Variants in COL26A1 observed in about 807,000 individuals in gnomAD.
COL26A1 encodes collagen type XXVI alpha 1 chain.
Under a neutral mutation model 59.3 loss-of-function variants are expected in COL26A1, and 41 were observed. The observed-to-expected ratio is 0.69, with a 90% CI of 0.54 to 0.90. The LOEUF (loss-of-function observed/expected upper bound fraction) is 0.90. COL26A1 is among the 40% of genes least tolerant of loss of function. The pLI, the probability that COL26A1 is intolerant of heterozygous loss-of-function variation, is 0.00. For missense variants in COL26A1, 612 were observed against 602.3 expected (o/e 1.02, Z -0.17); for synonymous variants, 266 against 256.0 (o/e 1.04, Z -0.37).
chr7:101,551,843 C>T (rs1015567483), intron 10 of COL26A1, among the ~76,000 whole-genome samples: 2 of 152,032 alleles, frequency 1.3e-5, no homozygotes, highest in African/African-American at 2.4e-5. Flanking sequence ...GGGTGTGGGG[C>T]GGGGAGGAGG....
chr7:101,393,159 G>A (rs1791774045), intron 1 of COL26A1, among the ~76,000 whole-genome samples: 1 of 152,006 alleles, frequency 6.6e-6, no homozygotes, highest in African/African-American at 2.4e-5. Flanking sequence ...GTGCCACCAT[G>A]CCCAGCTAAT....
At chr7:101,488,353 TATA>T (rs1563006389) in intron 3 of COL26A1, among the ~76,000 whole-genome samples, 1,228 of 93,988 alleles carry the variant, frequency 0.013, 25 homozygotes, top group African/African-American at 0.056. Flanking sequence ...TTATTTAATA[TATA>T]TATATATATA....
At chr7:101,431,989 C>T (rs1275163489) in intron 2 of COL26A1, among the ~76,000 whole-genome samples, 8 of 132,078 alleles carry the variant, frequency 6.1e-5, no homozygotes, top group Non-Finnish European at 1.1e-4. Context: ...TTTTTGGAGA[C>T]GAAGTTTTGC....
At chr7:101,397,875 TCTACTTATGTGTATGCTCATGTAAA>T (rs979057059) in intron 1 of COL26A1, among the ~76,000 whole-genome samples, 1 of 152,132 alleles carries the variant, frequency 6.6e-6, no homozygotes, top group Non-Finnish European at 1.5e-5. Context: ...TTGATGAGTT[TCTACTTATGTGTATGCTCATGTAAA>T]CCACCATTCA....
chr7:101,530,616 G>A (rs36036153), intron 3 of COL26A1, among the ~76,000 whole-genome samples: 1 of 145,210 alleles, frequency 6.9e-6, no homozygotes, highest in Non-Finnish European at 1.5e-5. Context: ...CCCCCTGGAC[G>A]CCAGGGCCTT....
intron 1 of COL26A1, among the ~76,000 whole-genome samples, chr7:101,397,321 T>C (rs779730148): frequency 1.1e-4 from 16 of 152,190 alleles, no homozygotes; most frequent in Non-Finnish European, 1.9e-4. Context: ...CAAATGTTCA[T>C]TGAACAGAGG....
intron 3 of COL26A1, among the ~76,000 whole-genome samples, chr7:101,474,741 T>G (rs1284442926): frequency 6.6e-6 from 1 of 152,208 alleles, no homozygotes; most frequent in East Asian, 1.9e-4. Flanking sequence ...TGACACAAGA[T>G]AGATTAACAA....
intron 3 of COL26A1, among the ~76,000 whole-genome samples, chr7:101,500,442 TCTC>T (rs1021863182): frequency 3.9e-5 from 6 of 152,166 alleles, no homozygotes; most frequent in South Asian, 2.1e-4. Context: ...CCTCCCAACT[TCTC>T]CTCTGCTGAT....
At chr7:101,509,991 G>A (rs34215350) in intron 3 of COL26A1, among the ~76,000 whole-genome samples, 15,164 of 149,302 alleles carry the variant, frequency 0.1, 793 homozygotes, top group South Asian at 0.11. Flanking sequence ...GCCTCCCAAA[G>A]TACTGGGATT....
At chr7:101,415,233 A>G (rs1011209851) in intron 1 of COL26A1, among the ~76,000 whole-genome samples, 1 of 150,044 alleles carries the variant, frequency 6.7e-6, no homozygotes, top group Non-Finnish European at 1.5e-5. Context: ...GCTCACTGCA[A>G]CCTCCGCCTC....
intron 4 of COL26A1, among the ~76,000 whole-genome samples, chr7:101,536,672 G>A (rs560495322): frequency 1.3e-5 from 2 of 152,202 alleles, no homozygotes; most frequent in Non-Finnish European, 2.9e-5. Flanking sequence ...GTCTGCTTTG[G>A]TATGTCGGGA....
intron 3 of COL26A1, among the ~76,000 whole-genome samples, chr7:101,458,872 G>T (rs965280116): frequency 6.7e-6 from 1 of 148,786 alleles, no homozygotes; most frequent in Non-Finnish European, 1.5e-5. Context: ...CATGATCATA[G>T]CTCACTGCAG....
At chr7:101,399,410 A>G (rs1287110050) in intron 1 of COL26A1, among the ~76,000 whole-genome samples, 1 of 151,926 alleles carries the variant, frequency 6.6e-6, no homozygotes, top group Non-Finnish European at 1.5e-5. Flanking sequence ...TGGAACCTCC[A>G]TCTCCTGTGT....
At chr7:101,391,731 T>C (rs1268556018) in intron 1 of COL26A1, among the ~76,000 whole-genome samples, 1 of 152,170 alleles carries the variant, frequency 6.6e-6, no homozygotes, top group Non-Finnish European at 1.5e-5. Flanking sequence ...ATTTTTCTAT[T>C]TTTAGTAGAG....
intron 3 of COL26A1, among the ~76,000 whole-genome samples, chr7:101,485,288 G>A (rs564073270): frequency 9.2e-5 from 14 of 152,234 alleles, no homozygotes; most frequent in Admixed American, 3.3e-4. Flanking sequence ...ACCTGCCTGA[G>A]CCCTGGGAGC....
chr7:101,535,609 G>A (rs1795465002), intron 4 of COL26A1, among the ~76,000 whole-genome samples: 1 of 152,168 alleles, frequency 6.6e-6, no homozygotes, highest in Non-Finnish European at 1.5e-5. Flanking sequence ...TTTGTCCTGT[G>A]ACCCTGAGTG....
chr7:101,462,895 A>G (rs1030149148), intron 3 of COL26A1, among the ~76,000 whole-genome samples: 12 of 152,186 alleles, frequency 7.9e-5, no homozygotes, highest in Non-Finnish European at 1.6e-4. Context: ...GTTCAGATGC[A>G]GTGACCTTGC....
chr7:101,470,622 G>T (rs900584776), intron 3 of COL26A1, among the ~76,000 whole-genome samples: 2 of 151,962 alleles, frequency 1.3e-5, no homozygotes, highest in Admixed American at 1.3e-4. Flanking sequence ...CAGTATGGAG[G>T]GTGGGGACGG....
At chr7:101,425,692 G>A (rs1052628493) in intron 2 of COL26A1, among the ~76,000 whole-genome samples, 22 of 151,578 alleles carry the variant, frequency 1.5e-4, no homozygotes, top group Non-Finnish European at 3.1e-4. Context: ...TAGTGGAAAT[G>A]GGGTTTCACC....
Sources: allele counts gnomAD v4.1 joint callset (sites outside exome capture counted in the v4.1 genomes callset), GRCh38; gene constraint gnomAD v4.1.1; transcripts MANE v1.5; gene names NCBI Gene and HGNC (gene_info 2026-07-23, HGNC 2026-07-21).